ENTREP2: variants seen among roughly 807,000 people sequenced by gnomAD.
ENTREP2 encodes the protein endosomal transmembrane epsin interactor 2.
the ENTREP2 span, among the ~76,000 whole-genome samples, chr15:29,431,185 A>C: frequency 6.6e-6 from 1 of 151,856 alleles, no homozygotes; most frequent in South Asian, 2.1e-4. Flanking sequence ...GGGTTACGTA[A>C]CCCCGGGTAA....
the ENTREP2 span, among the ~76,000 whole-genome samples, chr15:29,668,367 A>C: frequency 6.6e-6 from 1 of 152,132 alleles, no homozygotes; most frequent in East Asian, 1.9e-4. Flanking sequence ...CGTCCTCAAA[A>C]AATTAAACAT....
the ENTREP2 span, among the ~76,000 whole-genome samples, chr15:29,140,036 C>T: frequency 6.6e-6 from 1 of 152,184 alleles, no homozygotes; most frequent in Non-Finnish European, 1.5e-5. Flanking sequence ...GAGGGAGCTG[C>T]GGGTTTCCTG....
chr15:29,332,748 T>G, the ENTREP2 span, among the ~76,000 whole-genome samples: 1 of 150,910 alleles, frequency 6.6e-6, no homozygotes, highest in African/African-American at 2.4e-5. Flanking sequence ...TCACCTGAGG[T>G]TGGAAGTTCA....
At chr15:29,534,261 A>T in the ENTREP2 span, among the ~76,000 whole-genome samples, 2 of 152,018 alleles carry the variant, frequency 1.3e-5, 1 homozygote, top group Non-Finnish European at 2.9e-5. Flanking sequence ...TTCTCGCTGG[A>T]GTGTCTGAGA....
At chr15:29,652,240 G>A in the ENTREP2 span, among the ~76,000 whole-genome samples, 79 of 152,300 alleles carry the variant, frequency 5.2e-4, 1 homozygote, top group South Asian at 1.2e-3. Context: ...TGCCAGCAGA[G>A]AGGGGCCACC....
chr15:29,593,094 G>A, the ENTREP2 span, among the ~76,000 whole-genome samples: 1 of 152,138 alleles, frequency 6.6e-6, no homozygotes, highest in African/African-American at 2.4e-5. Context: ...GGACACATTT[G>A]AACCATAGCA....
At chr15:29,629,045 C>T in the ENTREP2 span, among the ~76,000 whole-genome samples, 1 of 152,116 alleles carries the variant, frequency 6.6e-6, no homozygotes, top group South Asian at 2.1e-4. Flanking sequence ...CCACTATGCC[C>T]GGCCAGGTTG....
At chr15:29,451,757 C>T in the ENTREP2 span, among the ~76,000 whole-genome samples, 5 of 152,174 alleles carry the variant, frequency 3.3e-5, no homozygotes, top group African/African-American at 1.2e-4. Flanking sequence ...CACTGTCCTG[C>T]TCATCCCAGT....
the ENTREP2 span, among the ~76,000 whole-genome samples, chr15:29,223,938 C>G: frequency 6.6e-6 from 1 of 152,160 alleles, no homozygotes; most frequent in Non-Finnish European, 1.5e-5. Context: ...CCCCAGCTCG[C>G]GCCCAGCTCT....
At chr15:29,450,432 C>G in the ENTREP2 span, among the ~76,000 whole-genome samples, 1 of 152,156 alleles carries the variant, frequency 6.6e-6, no homozygotes, top group Non-Finnish European at 1.5e-5. Flanking sequence ...GGCCCAGTTT[C>G]AGTCTTCTGC....
At chr15:29,399,819 TAAGG>T in the ENTREP2 span, among the ~76,000 whole-genome samples, 5 of 152,280 alleles carry the variant, frequency 3.3e-5, no homozygotes, top group African/African-American at 1.2e-4. Flanking sequence ...AAGAAAGTCA[TAAGG>T]AAGAGAAAAT....
chr15:29,251,155 G>T, the ENTREP2 span, among the ~76,000 whole-genome samples: 1 of 152,308 alleles, frequency 6.6e-6, no homozygotes, highest in East Asian at 1.9e-4. Flanking sequence ...TCACTTCTCA[G>T]AATCATAGCC....
the ENTREP2 span, among the ~76,000 whole-genome samples, chr15:29,293,437 T>TA: frequency 6.6e-5 from 10 of 151,324 alleles, no homozygotes; most frequent in Admixed American, 1.3e-4. Flanking sequence ...TTTTTTTTTT[T>TA]AGTAGAGACA....
chr15:29,306,664 ATTTTT>A, the ENTREP2 span, among the ~76,000 whole-genome samples: 15 of 77,316 alleles, frequency 1.9e-4, no homozygotes, highest in Admixed American at 6.2e-4. Context: ...ATAATTGGTA[ATTTTT>A]TTTTTTTTTT....
At chr15:29,207,450 G>C in the ENTREP2 span, among the ~76,000 whole-genome samples, 1 of 136,130 alleles carries the variant, frequency 7.3e-6, no homozygotes, top group Non-Finnish European at 1.6e-5. Flanking sequence ...CTGCCGGTTG[G>C]GGGGCGGGGG....
chr15:29,168,843 C>CCTTTATA, the ENTREP2 span, among the ~76,000 whole-genome samples: 1 of 152,178 alleles, frequency 6.6e-6, no homozygotes, highest in Non-Finnish European at 1.5e-5. Flanking sequence ...GGAGGGAGTT[C>CCTTTATA]ACACACTCTC....
the ENTREP2 span, among the ~76,000 whole-genome samples, chr15:29,312,598 C>G: frequency 3.9e-5 from 6 of 152,076 alleles, no homozygotes; most frequent in African/African-American, 1.4e-4. Flanking sequence ...GATATAGTGG[C>G]CTGTGATCAG....
At chr15:29,452,301 T>C in the ENTREP2 span, among the ~76,000 whole-genome samples, 1 of 152,046 alleles carries the variant, frequency 6.6e-6, no homozygotes, top group African/African-American at 2.4e-5. Context: ...AGAGGGGAAG[T>C]GGATATTGGG....
chr15:29,363,551 C>T, the ENTREP2 span, among the ~76,000 whole-genome samples: 2 of 152,108 alleles, frequency 1.3e-5, no homozygotes, highest in African/African-American at 4.8e-5. Flanking sequence ...AGCTTTCTTA[C>T]ATTGAAAAAT....
Sources: gnomAD v4.1 joint callset for allele counts (sites outside exome capture counted in the v4.1 genomes callset) on GRCh38, gnomAD v4.1.1 for gene constraint, MANE v1.5 for transcripts, NCBI Gene and HGNC (gene_info 2026-07-23, HGNC 2026-07-21) for gene names.